CWC27: variants seen among roughly 807,000 people sequenced by gnomAD.
CWC27 encodes the protein CWC27 spliceosome associated cyclophilin.
CWC27 carries 47 observed loss-of-function variants against 63.6 expected under a neutral mutation model. That is an observed-to-expected ratio of 0.74 (90% CI 0.58 to 0.94). The LOEUF (loss-of-function observed/expected upper bound fraction) is 0.94, where lower values mean the gene tolerates loss of function less well. Among genes scored for constraint, CWC27 ranks in the 40% least tolerant of loss-of-function variants. The probability of loss-of-function intolerance (pLI) is 0.00; values close to 1 mark genes in which losing one functional copy is unlikely to be tolerated. For missense variants in CWC27, 495 were observed against 554.3 expected (o/e 0.89, Z 1.07); for synonymous variants, 175 against 179.8 (o/e 0.97, Z 0.22).
chr5:64,920,369 T>C (rs1260794232), intron 11 of CWC27, among the ~76,000 whole-genome samples: 9 of 152,212 alleles, frequency 5.9e-5, no homozygotes, highest in Admixed American at 3.9e-4. Flanking sequence ...CTGGATTTGG[T>C]TTGCTAGTAT....
chr5:64,842,385 C>T (rs180828096), intron 10 of CWC27, among the ~76,000 whole-genome samples: 241 of 152,008 alleles, frequency 1.6e-3, no homozygotes, highest in African/African-American at 5.7e-3. Context: ...CTCACTACAA[C>T]CTCTGCCTCC....
intron 11 of CWC27, 152 bp downstream of exon 11, chr5:64,885,698 G>GT: frequency 1.9e-5 from 5 of 259,614 alleles, no homozygotes; most frequent in Admixed American, 5.6e-5. Context: ...CTTGAGTTAG[G>GT]GTGTGTGTGT....
At chr5:64,794,721 T>C (rs1744202705) in intron 7 of CWC27, among the ~76,000 whole-genome samples, 1 of 152,138 alleles carries the variant, frequency 6.6e-6, no homozygotes, top group African/African-American at 2.4e-5. Context: ...ATTTGAAATA[T>C]TTTTATCTGG....
intron 1 of CWC27, among the ~76,000 whole-genome samples, chr5:64,770,375 G>A (rs1226223999): frequency 6.6e-6 from 1 of 152,052 alleles, no homozygotes; most frequent in African/African-American, 2.4e-5. Context: ...TTTCTTGAGG[G>A]CAATATCACC....
chr5:64,852,623 C>T (rs1746161740), intron 10 of CWC27, among the ~76,000 whole-genome samples: 1 of 152,074 alleles, frequency 6.6e-6, no homozygotes, highest in Non-Finnish European at 1.5e-5. Flanking sequence ...AGGCACCTGC[C>T]ACCATGCCCC....
intron 10 of CWC27, among the ~76,000 whole-genome samples, chr5:64,840,942 T>C (rs1745818943): frequency 1.3e-5 from 2 of 152,182 alleles, no homozygotes; most frequent in African/African-American, 4.8e-5. Flanking sequence ...ATTGTGAAGG[T>C]AGAAAAGCAT....
At chr5:64,894,467 T>C (rs1361561899) in intron 11 of CWC27, among the ~76,000 whole-genome samples, 1 of 152,138 alleles carries the variant, frequency 6.6e-6, no homozygotes, top group Non-Finnish European at 1.5e-5. Context: ...AAAACCCCCC[T>C]AGGCAAACTT....
chr5:64,935,451 C>T (rs543966248), intron 11 of CWC27, among the ~76,000 whole-genome samples: 4 of 152,206 alleles, frequency 2.6e-5, no homozygotes, highest in Non-Finnish European at 4.4e-5. Context: ...TGTCCTATTC[C>T]ATTGGTCTGT....
chr5:64,838,245 G>A (rs1745709214), intron 10 of CWC27, among the ~76,000 whole-genome samples: 1 of 152,072 alleles, frequency 6.6e-6, no homozygotes, highest in Admixed American at 6.6e-5. Context: ...TTAGCTTTAT[G>A]TTTCCAATTT....
intron 10 of CWC27, among the ~76,000 whole-genome samples, chr5:64,822,034 A>G (rs1234946454): frequency 1.3e-5 from 2 of 152,216 alleles, no homozygotes; most frequent in Non-Finnish European, 2.9e-5. Context: ...CGGGCCTTGT[A>G]TGGCGTATTT....
At chr5:64,947,125 A>G (rs1366879145) in intron 11 of CWC27, among the ~76,000 whole-genome samples, 1 of 152,042 alleles carries the variant, frequency 6.6e-6, no homozygotes, top group Non-Finnish European at 1.5e-5. Context: ...CCATATTTCC[A>G]TGTATCGTCT....
chr5:64,999,448 C>T (rs1005741579), intron 13 of CWC27, among the ~76,000 whole-genome samples: 4 of 152,046 alleles, frequency 2.6e-5, no homozygotes, highest in African/African-American at 2.4e-5. Context: ...ACTCTTCTAA[C>T]GGTATGTTTG....
At chr5:64,911,320 A>G (rs1442428112) in intron 11 of CWC27, among the ~76,000 whole-genome samples, 1 of 152,238 alleles carries the variant, frequency 6.6e-6, no homozygotes, top group African/African-American at 2.4e-5. Flanking sequence ...CTATTTTACA[A>G]ATAAATAGAA....
intron 11 of CWC27, among the ~76,000 whole-genome samples, chr5:64,925,852 C>T (rs900036378): frequency 1.3e-5 from 2 of 152,192 alleles, no homozygotes; most frequent in African/African-American, 4.8e-5. Flanking sequence ...CCCACCCTTT[C>T]TTATGTGTGT....
At chr5:64,776,990 T>C (rs1295182815) in intron 2 of CWC27, among the ~76,000 whole-genome samples, 1 of 152,056 alleles carries the variant, frequency 6.6e-6, no homozygotes, top group Non-Finnish European at 1.5e-5. Flanking sequence ...AGTGGAACTT[T>C]TAAAAACTTA....
chr5:64,902,419 C>T (rs1323232213), intron 11 of CWC27, among the ~76,000 whole-genome samples: 2 of 152,144 alleles, frequency 1.3e-5, no homozygotes, highest in Admixed American at 6.5e-5. Context: ...AAGTATGGAT[C>T]GAAGTACACA....
chr5:64,774,538 C>T (rs1183702987), intron 1 of CWC27, among the ~76,000 whole-genome samples, 153 bp from the exon 2 acceptor site: 1 of 152,130 alleles, frequency 6.6e-6, no homozygotes. Flanking sequence ...GAATATTTGA[C>T]ATTTTGTTGA....
intron 7 of CWC27, among the ~76,000 whole-genome samples, chr5:64,799,587 A>T (rs1358179831): frequency 9.2e-5 from 7 of 75,812 alleles, no homozygotes; most frequent in South Asian, 4.9e-4. Flanking sequence ...TCCATCTCAA[A>T]ATATATATAT....
At chr5:64,815,525 C>T (rs1580634257) in intron 10 of CWC27, among the ~76,000 whole-genome samples, 1 of 152,284 alleles carries the variant, frequency 6.6e-6, no homozygotes, top group Admixed American at 6.5e-5. Flanking sequence ...GAGCAGTGAA[C>T]TGTTGGAAAA....
Sources: gnomAD v4.1 joint callset for allele counts (sites outside exome capture counted in the v4.1 genomes callset) on GRCh38, gnomAD v4.1.1 for gene constraint, MANE v1.5 for transcripts, NCBI Gene and HGNC (gene_info 2026-07-23, HGNC 2026-07-21) for gene names.